Variants in HNRNPR observed in about 807,000 individuals in gnomAD.
The protein encoded by HNRNPR is heterogeneous nuclear ribonucleoprotein R.
In HNRNPR, 4 loss-of-function variants were observed where a neutral mutation model predicts 70.3. That is an observed-to-expected ratio of 0.06 (90% CI 0.03 to 0.13). The LOEUF is 0.13. Ranked by LOEUF, HNRNPR falls within the 10% of genes least tolerant of loss-of-function variation. The pLI is 1.00. For synonymous variants in HNRNPR, 241 were observed against 267.6 expected (o/e 0.90, Z 0.97); for missense variants, 423 against 788.5 (o/e 0.54, Z 5.55).
rs1645197219 is a variant in HNRNPR at position 23,306,008 on chromosome 1, T to C, written c.*4446A>G. On this transcript the variant is annotated 3_prime_UTR_variant, in exon 11 of 11. Coordinates refer to ENST00000302271, the MANE Select transcript of HNRNPR (RefSeq NM_005826.5). Reference sequence around the variant, plus strand: ...CCATTCTATCAATGTCTTCTTGTTTTCACTAAAATTAGTGTGCAATAAATA... The same window carrying C: ...CCATTCTATCAATGTCTTCTTGTTTCCACTAAAATTAGTGTGCAATAAATA... 6.6e-6 allele frequency: 1 copy of C among 152,232 alleles called. No homozygotes were observed. Among genetic ancestry groups the C allele is most frequent in the Admixed American group, 6.5e-5 (1 of 15,282 alleles). The allele number at this position is 152,232 out of a possible 1,614,324, so 9.4% of individuals were successfully genotyped here.
chr1:23,325,292 GAAGT>G (rs1006340412), intron 5 of HNRNPR, among the ~76,000 whole-genome samples: 13 of 152,088 alleles, frequency 8.5e-5, no homozygotes, highest in Non-Finnish European at 1.8e-4. Context: ...GGTAAATATA[GAAGT>G]AATAATAGCA....
intron 8 of HNRNPR, among the ~76,000 whole-genome samples, chr1:23,317,053 C>T (rs1645571598): frequency 6.6e-6 from 1 of 152,172 alleles, no homozygotes; most frequent in Non-Finnish European, 1.5e-5. Flanking sequence ...ACCTTGACTT[C>T]TGACTTATCA....
intron 2 of HNRNPR, 59 bp downstream of exon 2, chr1:23,340,793 T>A (rs1336046470): frequency 7.5e-7 from 1 of 1,338,658 alleles, no homozygotes; most frequent in Non-Finnish European, 1.0e-6. Flanking sequence ...AACTATAAAA[T>A]TCAAAGTGGT....
intron 7 of HNRNPR, among the ~76,000 whole-genome samples, chr1:23,320,124 T>A (rs1017536503): frequency 3.9e-5 from 6 of 152,332 alleles, no homozygotes; most frequent in African/African-American, 1.4e-4. Context: ...GCCATCAGTG[T>A]ATCCCAGGCA....
At position 23,310,317 on chromosome 1, in the gene HNRNPR, G is replaced by C; in HGVS notation, c.*137C>G. On this transcript the variant is annotated 3_prime_UTR_variant, in exon 11 of 11. Coordinates refer to ENST00000302271, the MANE Select transcript of HNRNPR (RefSeq NM_005826.5). The surrounding 1 kb of genome is among the most constrained non-coding windows in gnomAD (Gnocchi z 6.0). ...AAAAGACTTGAGTATATACACAATA[G>C]TGATTTCTTCAGCCCAATACAAATG... 1.3e-6 allele frequency: 1 copy of C among 783,472 alleles called. No homozygotes were observed. Among genetic ancestry groups the C allele is most frequent in the Non-Finnish European group, 2.0e-6 (1 of 487,808 alleles). The allele number at this position is 783,472 out of a possible 1,614,324, so 48.5% of individuals were successfully genotyped here. A position where few individuals can be genotyped will look rare whatever the true frequency, so the allele number is the denominator to read the frequency against.
chr1:23,313,731 C>A, intron 8 of HNRNPR, 29 bp from the exon 9 acceptor site: 1 of 1,590,276 alleles, frequency 6.3e-7, no homozygotes, highest in South Asian at 1.2e-5. Context: ...ACAAAACCGT[C>A]ATTGGCTACT....
At chr1:23,317,400 G>C (rs928305220) in intron 8 of HNRNPR, among the ~76,000 whole-genome samples, 1 of 152,024 alleles carries the variant, frequency 6.6e-6, no homozygotes, top group Non-Finnish European at 1.5e-5. Context: ...AGAGCTTGCC[G>C]TGAGTGGAGA....
chr1:23,333,602 C>T lies in HNRNPR; in HGVS notation c.414G>A (p.Leu138=). Residue 138 remains leucine, a synonymous_variant, in exon 5 of 11, where the codon CTG becomes CTA. Coordinates refer to ENST00000302271, the MANE Select transcript of HNRNPR (RefSeq NM_005826.5). ...KALLERTGYT[L]DVTTGQRKYG... is the part of the protein sequence containing the mutation. The stretch of plus-strand genomic sequence containing the variant: ...ACTTCCTCTGTCCTGTGGTTACATC[C>T]AGAGTATAACCAGTTCTCTCAAGCA... 6.2e-7 allele frequency: 1 copy of T among 1,612,904 alleles called. No individual in the cohort carries two copies. Among genetic ancestry groups the T allele is most frequent in the Non-Finnish European group, 8.5e-7 (1 of 1,178,890 alleles).
chr1:23,335,377 A>C (rs1293123932), intron 4 of HNRNPR, among the ~76,000 whole-genome samples: 1 of 152,210 alleles, frequency 6.6e-6, no homozygotes, highest in Non-Finnish European at 1.5e-5. Context: ...AGGGGTCCCC[A>C]CACCCCTGGG....
chr1:23,341,091 T>G, intron 1 of HNRNPR, 74 bp from the exon 2 acceptor site: 1 of 1,107,326 alleles, frequency 9.0e-7, no homozygotes. Context: ...GCATGATTTA[T>G]CTAAACTAAT....
Position 23,323,744 on chromosome 1 carries a change from C to G in HNRNPR, c.499-12G>C. ...TTGCCTACAAATACCTGAAATAAAA[C>G]CCCCTTATTAGAATCCAACATAAGC... On this transcript the variant is annotated splice_polypyrimidine_tract_variant and intron_variant, in intron 5 of 10. Coordinates refer to ENST00000302271, the MANE Select transcript of HNRNPR (RefSeq NM_005826.5). The G allele has an allele frequency of 6.2e-7, 1 of 1,610,704 alleles. No homozygotes were observed. The highest frequency in any genetic ancestry group is 8.5e-7 in the Non-Finnish European group (1 of 1,176,976).
chr1:23,333,434 TCCC>T (rs1646326113), intron 5 of HNRNPR, 81 bp downstream of exon 5: 5 of 739,618 alleles, frequency 6.8e-6, no homozygotes, highest in African/African-American at 3.5e-5. Context: ...TCAAGAATTT[TCCC>T]CCGTCTGTAC....
chr1:23,340,038 A>G (rs961856052), intron 2 of HNRNPR, among the ~76,000 whole-genome samples: 4 of 95,742 alleles, frequency 4.2e-5, no homozygotes, highest in Non-Finnish European at 8.9e-5. Flanking sequence ...TTTAAGGACA[A>G]AAAAAAAAAA....
chr1:23,328,551 G>A (rs951781683), intron 5 of HNRNPR, among the ~76,000 whole-genome samples: 6 of 152,180 alleles, frequency 3.9e-5, no homozygotes, highest in East Asian at 3.8e-4. Context: ...CCAGGCCGGA[G>A]TGCAGTGGCG....
chr1:23,314,544 A>C (rs1343753230), intron 8 of HNRNPR, among the ~76,000 whole-genome samples: 2 of 152,226 alleles, frequency 1.3e-5, no homozygotes. Context: ...AAATTCCTGA[A>C]TACATGGTTC....
intron 7 of HNRNPR, among the ~76,000 whole-genome samples, chr1:23,320,500 A>G (rs1178417562): frequency 6.6e-6 from 1 of 152,218 alleles, no homozygotes; most frequent in East Asian, 1.9e-4. Flanking sequence ...AAAGAAGCCA[A>G]TTTAGGGCAG....
At chr1:23,337,654 C>CAAAAAA (rs372423149) in intron 4 of HNRNPR, 100 bp downstream of exon 4, 5 of 624,066 alleles carry the variant, frequency 8.0e-6, no homozygotes, top group African/African-American at 2.3e-5. Context: ...GACTCCGTCT[C>CAAAAAA]AAAAAAAAAA....
In HNRNPR at chr1:23,343,043, G is replaced by A. The variant is rs1252618219; in HGVS notation, c.-10+1168C>T. ...TCTCTCTTCAAGCCAAATACAAAAT[G>A]CTCATTTTGAAAAGACTTTTTATGT... On this transcript the variant is annotated intron_variant, in intron 1 of 10. Coordinates refer to ENST00000302271, the MANE Select transcript of HNRNPR (RefSeq NM_005826.5). Among the ~76,000 whole-genome samples the A allele has an allele frequency of 5.3e-5, 8 of 152,112 alleles. No homozygotes were observed. The East Asian group carries it at 1.3e-3, about 26-fold the overall frequency.
At position 23,310,506 on chromosome 1, in the gene HNRNPR, T is replaced by C. The variant is rs1224854662; in HGVS notation, c.1850A>G (p.Asn617Ser). Reference sequence around the variant, plus strand: ...CTGATAAAATTCCTGGTTGTCATTATTGTAACCATAGTTACCAGAATAGTC... The same window carrying C: ...CTGATAAAATTCCTGGTTGTCATTACTGTAACCATAGTTACCAGAATAGTC... ...GGDYSGNYGY[N>S]NDNQEFYQDT... Residue 617 changes from asparagine (N) to serine (S), a missense_variant, in exon 11 of 11, where the codon AAT becomes AGT. Asn to Ser is a conservative substitution (Grantham distance 46). Around this residue, in one of 7 missense-constraint regions of HNRNPR, gnomAD observed 39 missense variants for 53.2 expected, o/e 0.73. Transcript: ENST00000302271. This position sits in a 1 kb window ranked among gnomAD's most constrained non-coding sequence, Gnocchi z 6.0. 16 of 1,613,460 alleles carry C rather than the reference T, an allele frequency of 9.9e-6. No homozygotes were observed. The highest frequency in any genetic ancestry group is 3.3e-5 in the Admixed American group (2 of 59,842).
Sources: allele counts gnomAD v4.1 joint callset (sites outside exome capture counted in the v4.1 genomes callset), GRCh38; gene constraint gnomAD v4.1.1; regional missense constraint gnomAD v4.1.1; non-coding constraint Gnocchi (gnomAD v3.1); transcripts MANE v1.5; gene names NCBI Gene and HGNC (gene_info 2026-07-23, HGNC 2026-07-21).